ASB1: variants seen among roughly 807,000 people sequenced by gnomAD.
The protein encoded by ASB1 is ankyrin repeat and SOCS box protein 1.
Under a neutral mutation model 27.7 loss-of-function variants are expected in ASB1, and 18 were observed. The observed-to-expected ratio is 0.65, with a 90% CI of 0.45 to 0.96. ASB1 has a LOEUF of 0.96. ASB1 is among the 50% of genes least tolerant of loss of function. The pLI, the probability that ASB1 is intolerant of heterozygous loss-of-function variation, is 0.00. For synonymous variants in ASB1, 189 were observed against 187.6 expected (o/e 1.01, Z -0.06); for missense variants, 397 against 451.7 (o/e 0.88, Z 1.10).
rs1459911825 is a variant in ASB1 at position 238,444,544 on chromosome 2, A to G, written c.697A>G (p.Arg233Gly). 4.3e-6 allele frequency: 7 copies of G among 1,614,064 alleles called. No homozygotes were observed. Among genetic ancestry groups the G allele is most frequent in the Non-Finnish European group, 5.9e-6 (7 of 1,180,046 alleles). ...TCCTGTCAACACACAGGGATTCTAC[A>G]GGGGCTCCCCTGGGTGCGTCATGGA... ...NGPVNTQGFY[R>G]GSPGCVMDAV... The change falls in exon 4 of 5, where the codon AGG becomes GGG. Residue 233 changes from arginine (R) to glycine (G), a missense_variant. Coordinates refer to ENST00000264607, the MANE Select transcript of ASB1 (RefSeq NM_001040445.3).
In ASB1 at chr2:238,448,111, G is replaced by A. The variant is rs758427650; in HGVS notation, c.*1600G>A. On this transcript the variant is annotated 3_prime_UTR_variant, in exon 5 of 5. Transcript: ENST00000264607. ...GGGCTGTGTGCTGTTCCCGAGGGGAGCTTGGGATTGGGTCCTGCTGAAGCC... is the reference window on the plus strand; with the variant it reads ...GGGCTGTGTGCTGTTCCCGAGGGGAACTTGGGATTGGGTCCTGCTGAAGCC... 17 of 152,352 alleles carry A rather than the reference G, an allele frequency of 1.1e-4. No individual in the cohort carries two copies. The highest frequency in any genetic ancestry group is 2.3e-4 in the Non-Finnish European group (16 of 68,126). 9.4% of individuals were successfully genotyped at this position (152,352 alleles called of 1,614,324 possible). A position where few individuals can be genotyped will look rare whatever the true frequency, so the allele number is the denominator to read the frequency against.
In ASB1 at chr2:238,440,350, A is replaced by G. The variant is rs573041686; in HGVS notation, c.495-3992A>G. ...CATTTCTGTTTATATTTCTTTATATACATGGACAGGAGTTCACCTGGCTAC... is the reference window on the plus strand; with the variant it reads ...CATTTCTGTTTATATTTCTTTATATGCATGGACAGGAGTTCACCTGGCTAC... On this transcript the variant is annotated intron_variant, in intron 3 of 4. Coordinates refer to ENST00000264607, the MANE Select transcript of ASB1 (RefSeq NM_001040445.3). 3.9e-4 allele frequency among the ~76,000 whole-genome samples: 60 copies of G among 152,344 alleles called. 1 individual carries two copies. In the South Asian group the frequency reaches 0.011, roughly 28 times the overall value.
chr2:238,444,694 C>T lies in ASB1; in HGVS notation c.847C>T (p.Pro283Ser). 2 of 1,613,584 alleles carry T rather than the reference C, an allele frequency of 1.2e-6. No homozygotes were observed. Among genetic ancestry groups the T allele is most frequent in the Non-Finnish European group, 1.7e-6 (2 of 1,179,816 alleles). The change falls in exon 4 of 5, where the codon CCT becomes TCT. Residue 283 changes from proline (P) to serine (S), a missense_variant. Coordinates refer to ENST00000264607, the MANE Select transcript of ASB1 (RefSeq NM_001040445.3). ...PESRGRRKVDPEALQVFKEAR... is the reference protein window; with the variant it reads ...PESRGRRKVDSEALQVFKEAR... Reference sequence around the variant, plus strand: ...GTCGAGAGGAAGAAGAAAAGTGGACCCTGAGGCCTTGCAGGTCTTTAAAGA... The same window carrying T: ...GTCGAGAGGAAGAAGAAAAGTGGACTCTGAGGCCTTGCAGGTCTTTAAAGA...
chr2:238,435,834 T>G lies in ASB1; in HGVS notation c.315T>G (p.Asp105Glu), dbSNP rs1314093650. The change falls in exon 3 of 5, where the codon GAT (aspartate) becomes GAG (glutamate). Residue 105 changes from aspartate (D) to glutamate (E), a missense_variant. Coordinates refer to ENST00000264607, the MANE Select transcript of ASB1 (RefSeq NM_001040445.3). ...DFLIRKGAEV[D>E]LVDVKGQTAL... ...TCATCCGGAAGGGGGCCGAGGTGGA[T>G]CTGGTGGACGTAAAAGGACAGACGG... 3.7e-6 allele frequency: 6 copies of G among 1,614,152 alleles called. No individual in the cohort carries two copies. In the Admixed American group the frequency reaches 1.0e-4, roughly 27 times the overall value.
chr2:238,435,429 T>C (rs509903), intron 2 of ASB1, among the ~76,000 whole-genome samples: 111,143 of 152,214 alleles, frequency 0.73, 40,725 homozygotes, highest in Admixed American at 0.77. Context: ...GCACTTCAGA[T>C]GGCAGTCAGG....
At chr2:238,436,340 T>C (rs1701970772) in intron 3 of ASB1, among the ~76,000 whole-genome samples, 1 of 152,124 alleles carries the variant, frequency 6.6e-6, no homozygotes, top group Admixed American at 6.5e-5. Context: ...TTTTCCTTAT[T>C]ATTTAAATAG....
chr2:238,439,792 C>T (rs1347231170), intron 3 of ASB1, among the ~76,000 whole-genome samples: 1 of 152,200 alleles, frequency 6.6e-6, no homozygotes, highest in Non-Finnish European at 1.5e-5. Flanking sequence ...ACTGCCGATA[C>T]TCACTTCCGT....
Position 238,433,701 on chromosome 2 carries a change from C to T in ASB1, c.191+6C>T, listed in dbSNP as rs772872072. The T allele has an allele frequency of 3.7e-5, 60 of 1,613,476 alleles. No individual in the cohort carries two copies. In the Middle Eastern group the frequency reaches 6.7e-4, roughly 18 times the overall value. ...CAAGAGGAGAGCTACCGGAGGTGAG[C>T]GGCGCTGCCCAGGGCTGGTCCGGGT... On this transcript the variant is annotated splice_donor_region_variant and intron_variant, in intron 2 of 4. Transcript: ENST00000264607.
At position 238,451,017 on chromosome 2, in the gene ASB1, A is replaced by G. The variant is rs553158942; in HGVS notation, c.*4506A>G. 6 of 67,050 alleles carry G rather than the reference A, an allele frequency of 8.9e-5. No individual in the cohort carries two copies. Among genetic ancestry groups the G allele is most frequent in the African/African-American group, 2.3e-4 (6 of 26,142 alleles). The allele number at this position is 67,050 out of a possible 1,614,324, so 4.2% of individuals were successfully genotyped here. A position where few individuals can be genotyped will look rare whatever the true frequency, so the allele number is the denominator to read the frequency against. On this transcript the variant is annotated 3_prime_UTR_variant, in exon 5 of 5. Transcript: ENST00000264607. ...CTCCCGCTCCAAACCCGAACCTCTCAGTGTGGAATGAACGCTCCAAACCCG... is the reference window on the plus strand; with the variant it reads ...CTCCCGCTCCAAACCCGAACCTCTCGGTGTGGAATGAACGCTCCAAACCCG...
At position 238,444,418 on chromosome 2, in the gene ASB1, T is replaced by A. The variant is rs1331963672; in HGVS notation, c.571T>A (p.Leu191Met). 6.2e-7 allele frequency: 1 copy of A among 1,613,990 alleles called. No homozygotes were observed. Among genetic ancestry groups the A allele is most frequent in the Non-Finnish European group, 8.5e-7 (1 of 1,179,922 alleles). The change falls in exon 4 of 5, where the codon TTG (leucine) becomes ATG (methionine). Residue 191 changes from leucine (L) to methionine (M), a missense_variant. Coordinates refer to ENST00000264607, the MANE Select transcript of ASB1 (RefSeq NM_001040445.3). ...QPRFSRRLTS[L>M]VVCPLYISAA... ...TCGATTCTCCCGGCGGCTCACCTCC[T>A]TGGTGGTCTGCCCCTTGTACATCAG...
At position 238,435,975 on chromosome 2, in the gene ASB1, TC is replaced by T; in HGVS notation, c.457del (p.Arg153AlafsTer8). On this transcript the variant is annotated frameshift_variant, in exon 3 of 5. Coordinates refer to ENST00000264607, the MANE Select transcript of ASB1 (RefSeq NM_001040445.3). LOFTEE classifies it high-confidence loss of function. ...HRSTPVYHAS[R>X]VGRADILKAL... ...GCAGCACCCCTGTCTACCACGCCTC[TC>T]GCGTGGGCCGGGCAGACATCCTGAA... is the stretch of plus-strand genomic sequence containing the variant. 1 of 1,613,798 alleles carries T rather than the reference TC, an allele frequency of 6.2e-7. No individual in the cohort carries two copies. Among genetic ancestry groups the T allele is most frequent in the Non-Finnish European group, 8.5e-7 (1 of 1,179,976 alleles).
intron 3 of ASB1, among the ~76,000 whole-genome samples, chr2:238,438,207 T>TTTTTTTTTTC: frequency 7.3e-6 from 1 of 137,336 alleles, no homozygotes; most frequent in Non-Finnish European, 1.6e-5. Flanking sequence ...TCATTTTTTT[T>TTTTTTTTTTC]TTTTTTTTTT....
At chr2:238,439,585 T>G (rs953714108) in intron 3 of ASB1, among the ~76,000 whole-genome samples, 1 of 152,168 alleles carries the variant, frequency 6.6e-6, no homozygotes, top group Admixed American at 6.5e-5. Context: ...CTATTACAAA[T>G]GAAATACTTT....
At chr2:238,428,951 A>G (rs991672185) in intron 1 of ASB1, among the ~76,000 whole-genome samples, 1 of 152,134 alleles carries the variant, frequency 6.6e-6, no homozygotes, top group African/African-American at 2.4e-5. Context: ...CTCTGTAGTA[A>G]CCGCAACTGT....
intron 1 of ASB1, among the ~76,000 whole-genome samples, chr2:238,431,922 C>T (rs1432839780): frequency 6.6e-6 from 1 of 152,262 alleles, no homozygotes. Context: ...TGAAATATTG[C>T]AAGAATTACC....
chr2:238,434,451 C>T (rs968805102), intron 2 of ASB1, among the ~76,000 whole-genome samples: 1 of 152,202 alleles, frequency 6.6e-6, no homozygotes, highest in African/African-American at 2.4e-5. Flanking sequence ...GCGTTCCCTT[C>T]AGGACCCAAA....
At chr2:238,431,280 C>T (rs559756219) in intron 1 of ASB1, among the ~76,000 whole-genome samples, 31 of 152,202 alleles carry the variant, frequency 2.0e-4, no homozygotes, top group Non-Finnish European at 3.8e-4. Context: ...CTTTAAACCT[C>T]GTGAACCAAC....
At chr2:238,433,482 A>G in intron 1 of ASB1, 72 bp from the exon 2 acceptor site, 3 of 1,568,414 alleles carry the variant, frequency 1.9e-6, no homozygotes, top group Non-Finnish European at 2.6e-6. Flanking sequence ...GGCTCGCTGC[A>G]GATGGCACCC....
chr2:238,438,199 A>ATTTTTTTTTTTTTTTTT (rs57391955), intron 3 of ASB1, among the ~76,000 whole-genome samples: 2 of 98,206 alleles, frequency 2.0e-5, no homozygotes, highest in Non-Finnish European at 3.8e-5. Flanking sequence ...GATGCCCTTC[A>ATTTTTTTTTTTTTTTTT]TTTTTTTTTT....
Sources: gnomAD v4.1 joint callset for allele counts (sites outside exome capture counted in the v4.1 genomes callset) on GRCh38, gnomAD v4.1.1 for gene constraint, MANE v1.5 for transcripts, NCBI Gene and HGNC (gene_info 2026-07-23, HGNC 2026-07-21) for gene names.